Variants in PRICKLE2 observed in about 807,000 individuals in gnomAD.
PRICKLE2 encodes prickle planar cell polarity protein 2.
In PRICKLE2, 21 loss-of-function variants were observed where a neutral mutation model predicts 81.4. The ratio of observed to expected loss-of-function variants is 0.26; its 90% CI spans 0.18 to 0.37. The LOEUF (loss-of-function observed/expected upper bound fraction) is 0.37, where lower values mean the gene tolerates loss of function less well. Ranked by LOEUF, PRICKLE2 falls within the 10% of genes least tolerant of loss-of-function variation. PRICKLE2 has a pLI of 1.00. For synonymous variants in PRICKLE2, 456 were observed against 421.5 expected (o/e 1.08, Z -1.00); for missense variants, 940 against 1,109.0 (o/e 0.85, Z 2.16).
intron 2 of PRICKLE2, among the ~76,000 whole-genome samples, chr3:64,183,247 C>T (rs2078165292): frequency 6.6e-6 from 1 of 152,098 alleles, no homozygotes; most frequent in Non-Finnish European, 1.5e-5. Flanking sequence ...GATCCTTGGT[C>T]ATTTCAAAAT....
chr3:64,198,137 G>T (rs921121867), intron 2 of PRICKLE2, among the ~76,000 whole-genome samples: 16 of 151,884 alleles, frequency 1.1e-4, no homozygotes, highest in Non-Finnish European at 1.5e-5. Context: ...GCGTGAACCC[G>T]GGAGGCAGAG....
intron 7 of PRICKLE2, among the ~76,000 whole-genome samples, chr3:64,112,480 G>A (rs960771223): frequency 1.3e-5 from 2 of 152,158 alleles, no homozygotes; most frequent in Admixed American, 1.3e-4. Context: ...GGATAAATGG[G>A]TACAATGGAC....
In PRICKLE2 at chr3:64,097,744, G is replaced by T. The variant is rs1375948596; in HGVS notation, c.*1307C>A. On this transcript the variant is annotated 3_prime_UTR_variant, in exon 8 of 8. Transcript: ENST00000638394. ...ATCCAGATACTCTGGTTACTAAGCT[G>T]GTTACACTGGACTCTTTCTACAATC... 6.6e-6 allele frequency: 1 copy of T among 152,522 alleles called. No individual in the cohort carries two copies. The highest frequency in any genetic ancestry group is 1.5e-5 in the Non-Finnish European group (1 of 68,018). 9.4% of individuals were successfully genotyped at this position (152,522 alleles called of 1,614,324 possible).
intron 2 of PRICKLE2, among the ~76,000 whole-genome samples, chr3:64,244,582 G>T (rs1335512926): frequency 6.7e-6 from 1 of 149,954 alleles, no homozygotes; most frequent in Non-Finnish European, 1.5e-5. Flanking sequence ...GATAAACCTA[G>T]AGGAGAAAAA....
intron 2 of PRICKLE2, among the ~76,000 whole-genome samples, chr3:64,244,337 G>C (rs994917396): frequency 4.6e-5 from 7 of 152,136 alleles, no homozygotes; most frequent in African/African-American, 1.4e-4. Context: ...ATACTTATTT[G>C]TGTCTTGTCA....
chr3:64,191,155 C>G (rs1405553012), intron 2 of PRICKLE2, among the ~76,000 whole-genome samples: 1 of 152,136 alleles, frequency 6.6e-6, no homozygotes, highest in Non-Finnish European at 1.5e-5. Context: ...TTATGAAAAC[C>G]TTTTGAGAAG....
intron 2 of PRICKLE2, among the ~76,000 whole-genome samples, chr3:64,256,343 G>A (rs1189832404): frequency 1.3e-5 from 2 of 152,082 alleles, no homozygotes; most frequent in African/African-American, 2.4e-5. Context: ...TAGGAGACCT[G>A]TATTTCGGAA....
chr3:64,210,810 A>T (rs1476158091), intron 1 of PRICKLE2, among the ~76,000 whole-genome samples: 1 of 152,180 alleles, frequency 6.6e-6, no homozygotes, highest in Non-Finnish European at 1.5e-5. Flanking sequence ...TTTGATTTGC[A>T]GAAATGATGC....
intron 7 of PRICKLE2, among the ~76,000 whole-genome samples, chr3:64,126,150 G>A (rs1174562101): frequency 6.6e-6 from 1 of 152,028 alleles, no homozygotes; most frequent in Non-Finnish European, 1.5e-5. Flanking sequence ...AAAACTTGGG[G>A]GGCCTACCCT....
chr3:64,232,371 AG>A (rs2079118071), intron 2 of PRICKLE2, among the ~76,000 whole-genome samples: 1 of 152,220 alleles, frequency 6.6e-6, no homozygotes, highest in Non-Finnish European at 1.5e-5. Flanking sequence ...CTTCTAATCT[AG>A]AAATTAGAGG....
chr3:64,221,461 A>ACACG (rs2078953217), intron 1 of PRICKLE2, among the ~76,000 whole-genome samples: 1 of 149,166 alleles, frequency 6.7e-6, no homozygotes, highest in African/African-American at 2.5e-5. Context: ...ACACACACGC[A>ACACG]CACACACAGC....
chr3:64,193,040 T>A (rs536595592), intron 2 of PRICKLE2, among the ~76,000 whole-genome samples: 29 of 152,312 alleles, frequency 1.9e-4, no homozygotes, highest in Non-Finnish European at 3.7e-4. Context: ...ATGATCTTCC[T>A]GGAGAGTGGT....
intron 1 of PRICKLE2, among the ~76,000 whole-genome samples, chr3:64,220,047 T>C (rs1311644558): frequency 6.6e-6 from 1 of 152,238 alleles, no homozygotes; most frequent in Non-Finnish European, 1.5e-5. Flanking sequence ...CCATAGACTA[T>C]ACACAGACAC....
At chr3:64,222,594 TG>T (rs1445888569) in intron 1 of PRICKLE2, among the ~76,000 whole-genome samples, 2 of 152,120 alleles carry the variant, frequency 1.3e-5, no homozygotes, top group Non-Finnish European at 2.9e-5. Flanking sequence ...GACTGGGCCA[TG>T]GTAGGCAGGC....
At chr3:64,201,583 T>C (rs543309288) in intron 1 of PRICKLE2, among the ~76,000 whole-genome samples, 102 of 152,292 alleles carry the variant, frequency 6.7e-4, no homozygotes, top group South Asian at 5.8e-3. Context: ...TTTTTTTTCA[T>C]TGGGTTGTGT....
intron 2 of PRICKLE2, among the ~76,000 whole-genome samples, chr3:64,254,830 G>T (rs1021448289): frequency 6.6e-6 from 1 of 152,126 alleles, no homozygotes; most frequent in African/African-American, 2.4e-5. Context: ...ATGAAGATTT[G>T]AGTCCAACTA....
chr3:64,261,914 C>A (rs2079620577), intron 2 of PRICKLE2, among the ~76,000 whole-genome samples: 1 of 152,126 alleles, frequency 6.6e-6, no homozygotes, highest in Non-Finnish European at 1.5e-5. Flanking sequence ...AGCTTCAGAA[C>A]CACTAGGTGT....
At chr3:64,268,153 T>C (rs2079741285) in intron 2 of PRICKLE2, 1 of 152,298 alleles carries the variant, frequency 6.6e-6, no homozygotes, top group Non-Finnish European at 1.5e-5. Flanking sequence ...GCTCAGGTCC[T>C]GGGGAGAGGA....
chr3:64,161,989 G>A (rs1433865905), intron 3 of PRICKLE2, among the ~76,000 whole-genome samples: 5 of 152,142 alleles, frequency 3.3e-5, no homozygotes, highest in African/African-American at 9.7e-5. Flanking sequence ...GAGGATCATA[G>A]CTCTCTTTTT....
Sources: allele counts gnomAD v4.1 joint callset (sites outside exome capture counted in the v4.1 genomes callset), GRCh38; gene constraint gnomAD v4.1.1; transcripts MANE v1.5; gene names NCBI Gene and HGNC (gene_info 2026-07-23, HGNC 2026-07-21).